Variants in ASH2L observed in about 807,000 individuals in gnomAD.
ASH2L encodes the protein ASH2 like, histone lysine methyltransferase complex subunit, also known as set1/Ash2 histone methyltransferase complex subunit ASH2.
ASH2L carries 30 observed loss-of-function variants against 81.1 expected under a neutral mutation model. The ratio of observed to expected loss-of-function variants is 0.37; its 90% CI spans 0.28 to 0.50. The LOEUF is 0.50. Among genes scored for constraint, ASH2L ranks in the 20% least tolerant of loss-of-function variants. ASH2L has a pLI of 0.95. For missense variants in ASH2L, 559 were observed against 792.1 expected (o/e 0.71, Z 3.53); for synonymous variants, 273 against 279.9 (o/e 0.98, Z 0.24).
At chr8:38,114,082 A>G (rs1810796913) in intron 5 of ASH2L, 110 bp from the exon 6 acceptor site, 2 of 663,124 alleles carry the variant, frequency 3.0e-6, no homozygotes, top group South Asian at 2.2e-5. Flanking sequence ...AAAAACTAAC[A>G]TGGATTTTTC....
chr8:38,110,849 A>C lies in ASH2L; in HGVS notation c.585+16A>C. ...CAAAGATAAGGTAGAGGTGGAACTA[A>C]TGTGATTGCAGTTATATTGAAGAGT... On this transcript the variant is annotated intron_variant, in intron 5 of 15. Coordinates refer to ENST00000343823, the MANE Select transcript of ASH2L (RefSeq NM_004674.5). 4 of 1,600,022 alleles carry C rather than the reference A, an allele frequency of 2.5e-6. No homozygotes were observed. Among genetic ancestry groups the C allele is most frequent in the Non-Finnish European group, 3.4e-6 (4 of 1,169,018 alleles).
intron 9 of ASH2L, 113 bp from the exon 10 acceptor site, chr8:38,120,819 G>A: frequency 1.2e-6 from 1 of 809,634 alleles, no homozygotes; most frequent in Non-Finnish European, 2.0e-6. Context: ...AGTATTTGCT[G>A]TGAAGTTGCA....
At chr8:38,109,759 A>AT (rs960192964) in intron 3 of ASH2L, among the ~76,000 whole-genome samples, 21 of 152,094 alleles carry the variant, frequency 1.4e-4, no homozygotes, top group African/African-American at 4.6e-4. Flanking sequence ...TTTTTAATTC[A>AT]TTTTTTCTTA....
chr8:38,118,052 C>A (rs543948103), intron 8 of ASH2L, among the ~76,000 whole-genome samples: 2 of 152,336 alleles, frequency 1.3e-5, no homozygotes, highest in African/African-American at 4.8e-5. Context: ...GAGCAAGACT[C>A]TGTCTCAAAA....
In ASH2L at chr8:38,121,069, G is replaced by A. The variant is rs754237283; in HGVS notation, c.1085G>A (p.Cys362Tyr). 1.2e-6 allele frequency: 2 copies of A among 1,613,566 alleles called. No homozygotes were observed. Among genetic ancestry groups the A allele is most frequent in the South Asian group, 1.1e-5 (1 of 91,038 alleles). The part of the protein sequence containing the change: ...APDPEKLELD[C>Y]WAGKPIPGDL... ...GACCCCGAGAAGCTGGAACTTGACT[G>A]CTGGGCAGGAAAACCTATTCCTGGA... The change falls in exon 10 of 16, where the codon TGC (cysteine) becomes TAC (tyrosine). Residue 362 changes from cysteine to tyrosine, a missense_variant. This residue lies in a region of ASH2L where 318 missense variants were observed against 527.0 expected (regional missense o/e 0.60). Transcript: ENST00000343823.
chr8:38,125,482 G>A (rs187940508), intron 10 of ASH2L, among the ~76,000 whole-genome samples: 1 of 151,718 alleles, frequency 6.6e-6, no homozygotes, highest in Admixed American at 6.6e-5. Flanking sequence ...TGCGGGCCTG[G>A]TGGTAATCCC....
intron 1 of ASH2L, chr8:38,105,978 C>T: frequency 6.5e-7 from 1 of 1,529,538 alleles, no homozygotes; most frequent in Non-Finnish European, 8.7e-7. Flanking sequence ...TCCTTGCACC[C>T]TGGCAGGAAG....
intron 14 of ASH2L, 110 bp downstream of exon 14, chr8:38,135,876 C>A: frequency 1.4e-6 from 1 of 736,200 alleles, no homozygotes; most frequent in Non-Finnish European, 2.3e-6. Context: ...CTCAGAGTGG[C>A]ATGCGCATGT....
intron 8 of ASH2L, among the ~76,000 whole-genome samples, chr8:38,117,188 A>G (rs1320073575): frequency 3.9e-5 from 6 of 152,174 alleles, no homozygotes; most frequent in East Asian, 1.9e-4. Context: ...CTGTTAACCC[A>G]TCTAATAGCG....
intron 7 of ASH2L, among the ~76,000 whole-genome samples, chr8:38,115,252 A>T (rs1415055268): frequency 6.6e-6 from 1 of 151,948 alleles, no homozygotes; most frequent in Non-Finnish European, 1.5e-5. Flanking sequence ...TTTTTTTTTA[A>T]CTTTAGTTTC....
At chr8:38,106,674 C>CT (rs1008717475) in intron 2 of ASH2L, among the ~76,000 whole-genome samples, 13 of 151,390 alleles carry the variant, frequency 8.6e-5, no homozygotes, top group South Asian at 8.4e-4. Context: ...CACCTGGCTT[C>CT]TTTTTTTTGT....
intron 12 of ASH2L, among the ~76,000 whole-genome samples, chr8:38,129,656 C>T (rs1376684356): frequency 6.6e-6 from 1 of 151,892 alleles, no homozygotes; most frequent in African/African-American, 2.4e-5. Flanking sequence ...GTCCTCACCC[C>T]CACATAGAGG....
chr8:38,114,051 C>A, intron 5 of ASH2L, 141 bp from the exon 6 acceptor site: 1 of 557,016 alleles, frequency 1.8e-6, no homozygotes, highest in Non-Finnish European at 3.2e-6. Context: ...ACATGTAAAC[C>A]TTGTATAACA....
chr8:38,133,708 C>A (rs565886901), intron 13 of ASH2L, among the ~76,000 whole-genome samples, 162 bp downstream of exon 13: 5 of 152,292 alleles, frequency 3.3e-5, no homozygotes, highest in African/African-American at 1.2e-4. Context: ...TTGTGTTTTG[C>A]TCTTTATGTA....
At chr8:38,131,338 AT>A (rs983454074) in intron 12 of ASH2L, among the ~76,000 whole-genome samples, 2 of 151,694 alleles carry the variant, frequency 1.3e-5, no homozygotes, top group Non-Finnish European at 2.9e-5. Flanking sequence ...TACAAAAAAA[AT>A]TTTTTTTCCT....
chr8:38,135,884 T>G, intron 14 of ASH2L, 118 bp downstream of exon 14: 1 of 688,934 alleles, frequency 1.5e-6, no homozygotes, highest in South Asian at 1.9e-5. Flanking sequence ...GGCATGCGCA[T>G]GTGTTGTTAC....
intron 12 of ASH2L, among the ~76,000 whole-genome samples, 180 bp downstream of exon 12, chr8:38,129,131 C>T (rs1801963002): frequency 6.6e-6 from 1 of 152,170 alleles, no homozygotes; most frequent in Non-Finnish European, 1.5e-5. Context: ...TCCATTCATT[C>T]TTCTACCCAT....
chr8:38,133,215 T>G (rs542053860), intron 12 of ASH2L, among the ~76,000 whole-genome samples: 3 of 152,332 alleles, frequency 2.0e-5, no homozygotes, highest in Non-Finnish European at 2.9e-5. Context: ...ATGTATGTAT[T>G]ATGTATTTTC....
rs776233861 is a variant in ASH2L at position 38,133,437 on chromosome 8, CT to C, written c.1528-14del. ...CTGATGCTTTATTGTGCCTTTTTTT[CT>C]TTCTTGGTTTTCAAGGCTTTGATAA... is the stretch of plus-strand genomic sequence containing the variant. On this transcript the variant is annotated splice_polypyrimidine_tract_variant and intron_variant, in intron 12 of 15. Transcript: ENST00000343823. 1 of 1,576,682 alleles carries C rather than the reference CT, an allele frequency of 6.3e-7. No individual in the cohort carries two copies. The highest frequency in any genetic ancestry group is 8.6e-7 in the Non-Finnish European group (1 of 1,161,292).
Sources: allele counts gnomAD v4.1 joint callset (sites outside exome capture counted in the v4.1 genomes callset), GRCh38; gene constraint gnomAD v4.1.1; regional missense constraint gnomAD v4.1.1; transcripts MANE v1.5; gene names NCBI Gene and HGNC (gene_info 2026-07-23, HGNC 2026-07-21).